Variants in UBE2U observed in about 807,000 individuals in gnomAD.
The protein encoded by UBE2U is ubiquitin conjugating enzyme E2 U.
In UBE2U, 39 loss-of-function variants were observed where a neutral mutation model predicts 41.2. That is an observed-to-expected ratio of 0.95 (90% confidence interval 0.73 to 1.24). UBE2U has a LOEUF of 1.24. Among genes scored for constraint, UBE2U ranks in the 50% most tolerant of loss-of-function variants. UBE2U has a pLI of 0.00. For missense variants in UBE2U, 336 were observed against 363.1 expected (o/e 0.93, Z 0.61); for synonymous variants, 107 against 117.8 (o/e 0.91, Z 0.60).
chr1:64,239,191 A>AC (rs1644786845), intron 7 of UBE2U, among the ~76,000 whole-genome samples: 1 of 149,070 alleles, frequency 6.7e-6, no homozygotes. Context: ...GAAGAAGAAG[A>AC]AAGCCCCAGA....
At chr1:64,250,845 T>A (rs1356196166) in intron 8 of UBE2U, among the ~76,000 whole-genome samples, 2 of 141,062 alleles carry the variant, frequency 1.4e-5, no homozygotes, top group Admixed American at 7.9e-5. Flanking sequence ...TTCTCACTCA[T>A]AGGTGGGAAT....
intron 6 of UBE2U, among the ~76,000 whole-genome samples, chr1:64,228,686 C>CTTT (rs59774097): frequency 1.6e-4 from 15 of 95,734 alleles, no homozygotes; most frequent in Admixed American, 2.6e-4. Flanking sequence ...CTCTCTCTCT[C>CTTT]TTTTTTTTTT....
chr1:64,210,411 GAAGAA>G (rs1651593385), intron 3 of UBE2U, among the ~76,000 whole-genome samples: 1 of 152,174 alleles, frequency 6.6e-6, no homozygotes, highest in South Asian at 2.1e-4. Context: ...GGGGAAGGGG[GAAGAA>G]AAGAAGGAAA....
intron 7 of UBE2U, among the ~76,000 whole-genome samples, chr1:64,233,187 T>C (rs533302532): frequency 7.9e-5 from 12 of 152,136 alleles, no homozygotes; most frequent in Admixed American, 2.0e-4. Flanking sequence ...TTTTGTATTT[T>C]TAATAGAGAC....
intron 8 of UBE2U, among the ~76,000 whole-genome samples, chr1:64,259,598 G>A (rs1231845340): frequency 6.6e-6 from 1 of 151,944 alleles, no homozygotes; most frequent in Non-Finnish European, 1.5e-5. Flanking sequence ...CCCATTTCTT[G>A]TTTTTGACAA....
rs1644590186 is a variant in UBE2U, at chr1:64,232,631, G to A, written c.577G>A (p.Glu193Lys). The change falls in exon 7 of 10, where the codon GAA becomes AAA. Residue 193 changes from glutamate to lysine, a missense_variant. Transcript: ENST00000371077. ...WSRIATSKAT[E>K]YYRTPLLKVP... Reference sequence around the variant, plus strand: ...CAGAATAGCTACATCAAAAGCCACAGAATACTACAGAACTCCATGTAAGGT... The same window carrying A: ...CAGAATAGCTACATCAAAAGCCACAAAATACTACAGAACTCCATGTAAGGT... 2 of 1,612,746 alleles carry A rather than the reference G, an allele frequency of 1.2e-6. No individual in the cohort carries two copies. The highest frequency in any genetic ancestry group is 1.7e-6 in the Non-Finnish European group (2 of 1,179,086).
intron 7 of UBE2U, among the ~76,000 whole-genome samples, chr1:64,237,678 GA>G (rs911207940): frequency 2.6e-5 from 4 of 151,660 alleles, no homozygotes; most frequent in Admixed American, 2.0e-4. Flanking sequence ...ACAGATGAGT[GA>G]AAAAAAACCA....
chr1:64,244,092 C>A, intron 8 of UBE2U: 1 of 1,468,656 alleles, frequency 6.8e-7, no homozygotes. Context: ...ATTATTCATG[C>A]TTTTAAAACT....
chr1:64,218,836 G>A (rs941425330), intron 5 of UBE2U, among the ~76,000 whole-genome samples: 1 of 152,104 alleles, frequency 6.6e-6, no homozygotes, highest in Admixed American at 6.5e-5. Context: ...TTTTATGTGT[G>A]TACTATCTTT....
Position 64,205,711 on chromosome 1 carries a change from G to A in UBE2U, c.139G>A (p.Val47Ile), listed in dbSNP as rs1463949578. Residue 47 changes from valine to isoleucine, a missense_variant, in exon 2 of 10, where the codon GTT (valine) becomes ATT (isoleucine). By Grantham distance (29) the Val-to-Ile change is conservative. Transcript: ENST00000371077. ...TGAAATTGAAGGTCTACAGAATTCA[G>A]TTTGGCAGGGTTTGTATTTTCAAAA... ...EVEIEGLQNS[V>I]WQGLVFQLTI... 6.2e-7 allele frequency: 1 copy of A among 1,612,096 alleles called. No homozygotes were observed. Among genetic ancestry groups the A allele is most frequent in the Non-Finnish European group, 8.5e-7 (1 of 1,178,910 alleles).
chr1:64,239,631 T>A (rs1644799966), intron 7 of UBE2U, among the ~76,000 whole-genome samples: 2 of 151,310 alleles, frequency 1.3e-5, no homozygotes, highest in African/African-American at 4.9e-5. Context: ...TGGTTTTCTG[T>A]CCTTGTGATA....
intron 6 of UBE2U, among the ~76,000 whole-genome samples, chr1:64,228,175 C>T (rs1455872510): frequency 2.6e-5 from 4 of 152,100 alleles, no homozygotes; most frequent in Admixed American, 6.6e-5. Flanking sequence ...TACTAGAAAA[C>T]GACTATAACT....
At chr1:64,234,637 C>T (rs370108842) in intron 7 of UBE2U, among the ~76,000 whole-genome samples, 1 of 152,106 alleles carries the variant, frequency 6.6e-6, no homozygotes, top group South Asian at 2.1e-4. Flanking sequence ...TTATATATCA[C>T]CATCCTCACT....
intron 8 of UBE2U, among the ~76,000 whole-genome samples, chr1:64,258,538 T>C (rs979210755): frequency 4.0e-5 from 6 of 151,894 alleles, no homozygotes; most frequent in African/African-American, 1.2e-4. Context: ...GTTCTCATTG[T>C]TCAGTTCCCA....
chr1:64,251,816 C>G (rs1219964955), intron 8 of UBE2U, among the ~76,000 whole-genome samples: 1 of 152,092 alleles, frequency 6.6e-6, no homozygotes, highest in African/African-American at 2.4e-5. Context: ...TAATCTGGTC[C>G]TAAAATCCTC....
chr1:64,245,854 TGGA>T (rs1644912045), intron 8 of UBE2U, among the ~76,000 whole-genome samples: 1 of 152,078 alleles, frequency 6.6e-6, no homozygotes, highest in South Asian at 2.1e-4. Context: ...TCCGTAAAGG[TGGA>T]GATGGATATT....
chr1:64,259,958 T>C (rs192643435), intron 8 of UBE2U, among the ~76,000 whole-genome samples: 140 of 151,640 alleles, frequency 9.2e-4, no homozygotes, highest in African/African-American at 3.1e-3. Flanking sequence ...AAATAGTAAT[T>C]AGTTAAGATG....
chr1:64,206,089 A>C (rs1452668005), intron 2 of UBE2U, among the ~76,000 whole-genome samples: 1 of 152,178 alleles, frequency 6.6e-6, no homozygotes, highest in Non-Finnish European at 1.5e-5. Flanking sequence ...CCCCACAGTT[A>C]CTTCTCATTT....
chr1:64,222,146 G>T (rs894205730), intron 6 of UBE2U, among the ~76,000 whole-genome samples: 1 of 149,058 alleles, frequency 6.7e-6, no homozygotes, highest in Non-Finnish European at 1.5e-5. Context: ...ATGAAAAAAT[G>T]TTGAAAAATT....
Sources: gnomAD v4.1 joint callset for allele counts (sites outside exome capture counted in the v4.1 genomes callset) on GRCh38, gnomAD v4.1.1 for gene constraint, MANE v1.5 for transcripts, NCBI Gene and HGNC (gene_info 2026-07-23, HGNC 2026-07-21) for gene names.